The following IQCM variants were observed in gnomAD, a reference collection of about 807,000 sequenced individuals.
The protein encoded by IQCM is IQ motif containing M.
In IQCM, 45 loss-of-function variants were observed where a neutral mutation model predicts 57.6. The observed-to-expected ratio is 0.78, with a 90% CI of 0.62 to 1.00. The LOEUF (loss-of-function observed/expected upper bound fraction) is 1.00. Ranked by LOEUF, IQCM falls within the 50% of genes least tolerant of loss-of-function variation. IQCM has a pLI of 0.00. For missense variants in IQCM, 468 were observed against 511.6 expected (o/e 0.91, Z 0.82); for synonymous variants, 148 against 158.9 (o/e 0.93, Z 0.51).
intron 7 of IQCM, among the ~76,000 whole-genome samples, chr4:149,628,353 G>T (rs915045237): frequency 6.6e-6 from 1 of 152,046 alleles, no homozygotes; most frequent in Non-Finnish European, 1.5e-5. Context: ...AAATAAAAAT[G>T]AGAATTAGCA....
Position 149,693,229 on chromosome 4 carries a change from T to A in IQCM, c.386-6761A>T, listed in dbSNP as rs1172254301. Among the ~76,000 whole-genome samples, 3 of 152,178 alleles carry A rather than the reference T, an allele frequency of 2.0e-5. No homozygotes were observed. In the East Asian group the frequency reaches 5.8e-4, roughly 29 times the overall value. On this transcript the variant is annotated intron_variant, in intron 5 of 13. Transcript: ENST00000636793. ...TTTGACCACCTCCAGCTATTGTGTG[T>A]TCCCCAAAGCTATTTCTTTCCTTGG...
At chr4:149,446,290 G>A (rs753408003) in intron 12 of IQCM, among the ~76,000 whole-genome samples, 15 of 151,702 alleles carry the variant, frequency 9.9e-5, no homozygotes, top group Non-Finnish European at 2.1e-4. Context: ...TTATTCTTGA[G>A]CAATGAAACA....
intron 2 of IQCM, among the ~76,000 whole-genome samples, chr4:149,758,776 T>C (rs749365406): frequency 6.6e-6 from 1 of 152,164 alleles, no homozygotes; most frequent in Non-Finnish European, 1.5e-5. Context: ...CTTATTAGAA[T>C]GGCCAAAATC....
chr4:149,590,528 T>C (rs369069106), intron 8 of IQCM, among the ~76,000 whole-genome samples: 112 of 152,088 alleles, frequency 7.4e-4, no homozygotes, highest in African/African-American at 2.5e-3. Flanking sequence ...GGTACACACA[T>C]GCCACGGTGG....
At chr4:149,607,579 T>A (rs1604750) in intron 8 of IQCM, among the ~76,000 whole-genome samples, 33,598 of 151,760 alleles carry the variant, frequency 0.22, 4,362 homozygotes, top group South Asian at 0.48. Context: ...TAACTGCAAC[T>A]TAAGAGATAA....
At chr4:149,598,537 G>A (rs1753983289) in intron 8 of IQCM, among the ~76,000 whole-genome samples, 1 of 151,478 alleles carries the variant, frequency 6.6e-6, no homozygotes, top group African/African-American at 2.4e-5. Context: ...ACAAATAAAG[G>A]GCAAAAAATG....
intron 5 of IQCM, among the ~76,000 whole-genome samples, chr4:149,694,972 A>C (rs776893594): frequency 9.9e-5 from 15 of 152,228 alleles, no homozygotes; most frequent in Non-Finnish European, 2.2e-4. Flanking sequence ...TATGAATTAT[A>C]ATGAAACTTA....
Position 149,661,630 on chromosome 4 carries a change from C to G in IQCM, c.565+20488G>C, listed in dbSNP as rs61406087. 3.2e-3 allele frequency among the ~76,000 whole-genome samples: 487 copies of G among 152,196 alleles called. 2 individuals are homozygous for G. The highest frequency in any genetic ancestry group is 0.011 in the African/African-American group (444 of 41,540). ...TTTTGTTACTGATTCAATTTCCTCA[C>G]TCACCCTTGGTCTGTTTAGATTTTC... On this transcript the variant is annotated intron_variant, in intron 7 of 13. Coordinates refer to ENST00000636793, the MANE Select transcript of IQCM (RefSeq NM_001363507.2).
intron 12 of IQCM, among the ~76,000 whole-genome samples, chr4:149,485,320 T>A (rs1741353658): frequency 6.6e-6 from 1 of 152,032 alleles, no homozygotes; most frequent in African/African-American, 2.4e-5. Flanking sequence ...TTCCCCTACC[T>A]CTCTTTAAAG....
At chr4:149,501,161 A>G (rs999465856) in intron 12 of IQCM, among the ~76,000 whole-genome samples, 1 of 152,132 alleles carries the variant, frequency 6.6e-6, no homozygotes, top group Non-Finnish European at 1.5e-5. Flanking sequence ...TGCATTTCCA[A>G]CTAATCTCAA....
chr4:149,698,942 T>G lies in IQCM; in HGVS notation c.386-12474A>C, dbSNP rs1020771920. 2.0e-5 allele frequency among the ~76,000 whole-genome samples: 3 copies of G among 152,028 alleles called. No homozygotes were observed. In the South Asian group the frequency reaches 6.2e-4, roughly 31 times the overall value. Reference sequence around the variant, plus strand: ...CCATAAGGATTGTGTAAATGATACATGCAAAGTCTTTAGCACAAGGCCTGG... The same window carrying G: ...CCATAAGGATTGTGTAAATGATACAGGCAAAGTCTTTAGCACAAGGCCTGG... On this transcript the variant is annotated intron_variant, in intron 5 of 13. Coordinates refer to ENST00000636793, the MANE Select transcript of IQCM (RefSeq NM_001363507.2).
At chr4:149,724,951 T>A (rs760494268) in intron 5 of IQCM, among the ~76,000 whole-genome samples, 4 of 152,056 alleles carry the variant, frequency 2.6e-5, no homozygotes, top group Non-Finnish European at 5.9e-5. Context: ...ATAATTAAGA[T>A]TCATAAATTA....
intron 12 of IQCM, among the ~76,000 whole-genome samples, chr4:149,547,425 T>C (rs1273310918): frequency 1.3e-5 from 2 of 152,060 alleles, no homozygotes; most frequent in Non-Finnish European, 2.9e-5. Context: ...CTCACTTATA[T>C]GGGAAATCTA....
intron 12 of IQCM, among the ~76,000 whole-genome samples, chr4:149,469,139 G>C (rs1390056644): frequency 6.6e-6 from 1 of 152,162 alleles, no homozygotes; most frequent in African/African-American, 2.4e-5. Flanking sequence ...AACGAGTTGA[G>C]AGAAGGCTTC....
chr4:149,541,769 GA>G (rs957214399), intron 12 of IQCM, among the ~76,000 whole-genome samples: 15 of 149,646 alleles, frequency 1.0e-4, no homozygotes, highest in Middle Eastern at 3.5e-3. Flanking sequence ...AATAAAGAAT[GA>G]AAAAAAAAGA....
chr4:149,584,122 TTTTA>T (rs1238005252), intron 9 of IQCM, among the ~76,000 whole-genome samples: 1 of 151,580 alleles, frequency 6.6e-6, no homozygotes, highest in Non-Finnish European at 1.5e-5. Context: ...CAAATAGATA[TTTTA>T]TTTAAAAAAC....
chr4:149,611,634 T>C (rs561936931), intron 8 of IQCM, among the ~76,000 whole-genome samples: 47 of 152,008 alleles, frequency 3.1e-4, no homozygotes, highest in Non-Finnish European at 5.9e-4. Flanking sequence ...TAAAAAATAA[T>C]TTTATCTCAT....
chr4:149,394,271 G>T (rs1732068019), intron 13 of IQCM, among the ~76,000 whole-genome samples: 1 of 151,438 alleles, frequency 6.6e-6, no homozygotes, highest in Non-Finnish European at 1.5e-5. Context: ...TTATTTCTTT[G>T]ATAATCTTCT....
intron 13 of IQCM, among the ~76,000 whole-genome samples, chr4:149,367,692 T>G (rs750933681): frequency 2.6e-5 from 4 of 152,066 alleles, no homozygotes; most frequent in Non-Finnish European, 4.4e-5. Context: ...GAGTCAAAAG[T>G]ATATATCATA....
Sources: gnomAD v4.1 joint callset for allele counts (sites outside exome capture counted in the v4.1 genomes callset) on GRCh38, gnomAD v4.1.1 for gene constraint, MANE v1.5 for transcripts, NCBI Gene and HGNC (gene_info 2026-07-23, HGNC 2026-07-21) for gene names.